CTNNA3: variants seen among roughly 807,000 people sequenced by gnomAD.
CTNNA3 encodes the protein catenin alpha-3.
A neutral mutation model predicts 95.7 loss-of-function variants in CTNNA3; 76 were observed. That is an observed-to-expected ratio of 0.79 (90% CI 0.66 to 0.96). The LOEUF is 0.96. CTNNA3 is among the 40% of genes least tolerant of loss of function. CTNNA3 has a pLI of 0.00. For missense variants in CTNNA3, 1,191 were observed against 1,089.8 expected, an observed-to-expected ratio of 1.09 and a Z score of -1.31; for synonymous variants, 431 against 374.4, an observed-to-expected ratio of 1.15 and a Z score of -1.74.
chr10:66,483,622 G>T (rs1453253535), intron 11 of CTNNA3, among the ~76,000 whole-genome samples: 2 of 152,038 alleles, frequency 1.3e-5, no homozygotes. Flanking sequence ...CCTCTATTCA[G>T]CTTTGAGAGA....
intron 5 of CTNNA3, among the ~76,000 whole-genome samples, chr10:67,384,225 C>T (rs1314520673): frequency 6.6e-6 from 1 of 152,148 alleles, no homozygotes; most frequent in Non-Finnish European, 1.5e-5. Context: ...CTATACATCA[C>T]TGTGGTGGCT....
intron 11 of CTNNA3, among the ~76,000 whole-genome samples, chr10:66,476,243 G>GA (rs1839323577): frequency 6.6e-6 from 1 of 151,914 alleles, no homozygotes; most frequent in African/African-American, 2.4e-5. Context: ...GAGAGCATCA[G>GA]AAAAAATAGC....
intron 9 of CTNNA3, among the ~76,000 whole-genome samples, chr10:66,653,389 A>G (rs56373139): frequency 0.3 from 36,500 of 120,684 alleles, 5,626 homozygotes; most frequent in East Asian, 0.64. Flanking sequence ...AAATACGCAG[A>G]AATAAATTTA....
chr10:66,505,544 A>G (rs956987557), intron 11 of CTNNA3, among the ~76,000 whole-genome samples: 2 of 152,216 alleles, frequency 1.3e-5, no homozygotes, highest in Non-Finnish European at 2.9e-5. Context: ...TCCTGGCTGC[A>G]AGTCATCACT....
At chr10:66,041,208 C>T (rs1276435881) in intron 15 of CTNNA3, among the ~76,000 whole-genome samples, 1 of 152,020 alleles carries the variant, frequency 6.6e-6, no homozygotes, top group African/African-American at 2.4e-5. Context: ...AGTTATTCTG[C>T]AATATAACTG....
intron 5 of CTNNA3, among the ~76,000 whole-genome samples, chr10:67,313,846 T>C (rs1840927972): frequency 6.6e-6 from 1 of 152,088 alleles, no homozygotes; most frequent in South Asian, 2.1e-4. Context: ...AAACAGCATA[T>C]AAAAGAAGAG....
intron 5 of CTNNA3, among the ~76,000 whole-genome samples, chr10:67,364,533 G>T (rs897032283): frequency 2.6e-5 from 4 of 151,900 alleles, no homozygotes; most frequent in African/African-American, 9.7e-5. Context: ...CAAAGTCTCA[G>T]GATACAAAAC....
chr10:67,491,298 C>T (rs1340313045), intron 5 of CTNNA3, among the ~76,000 whole-genome samples: 1 of 152,144 alleles, frequency 6.6e-6, no homozygotes, highest in African/African-American at 2.4e-5. Flanking sequence ...CATTAAAAAT[C>T]AACTTTGTCC....
intron 5 of CTNNA3, among the ~76,000 whole-genome samples, chr10:67,309,064 T>G (rs1489877042): frequency 6.6e-6 from 1 of 152,174 alleles, no homozygotes; most frequent in African/African-American, 2.4e-5. Flanking sequence ...TGAAGATAAA[T>G]AGCACCATTA....
chr10:66,832,181 T>G (rs1216283632), intron 7 of CTNNA3, among the ~76,000 whole-genome samples: 1 of 152,244 alleles, frequency 6.6e-6, no homozygotes. Flanking sequence ...TACACTCATT[T>G]TGGCAGAAAA....
intron 7 of CTNNA3, among the ~76,000 whole-genome samples, chr10:66,895,856 T>A (rs1427201621): frequency 7.6e-6 from 1 of 131,832 alleles, no homozygotes; most frequent in East Asian, 2.2e-4. Context: ...GGTGGGAGGA[T>A]AACCTGAGGT....
chr10:67,548,323 T>A (rs1840910241), intron 3 of CTNNA3, among the ~76,000 whole-genome samples: 1 of 152,170 alleles, frequency 6.6e-6, no homozygotes, highest in Non-Finnish European at 1.5e-5. Flanking sequence ...TGCAGAACCA[T>A]AAGCCAATTA....
At chr10:66,512,790 A>C (rs1449649114) in intron 11 of CTNNA3, among the ~76,000 whole-genome samples, 2 of 152,020 alleles carry the variant, frequency 1.3e-5, no homozygotes, top group Non-Finnish European at 2.9e-5. Flanking sequence ...CTTAGTTGAA[A>C]GTTTTTTCTT....
chr10:67,111,794 T>C (rs971154435), intron 7 of CTNNA3, among the ~76,000 whole-genome samples: 2 of 152,058 alleles, frequency 1.3e-5, no homozygotes, highest in African/African-American at 4.8e-5. Flanking sequence ...TATAATTTAA[T>C]ACATGCAAAG....
chr10:66,769,244 T>A (rs1053669671), intron 8 of CTNNA3, among the ~76,000 whole-genome samples: 2 of 152,198 alleles, frequency 1.3e-5, no homozygotes, highest in African/African-American at 4.8e-5. Flanking sequence ...TTTCGTCCCA[T>A]GACAGAAGGA....
intron 13 of CTNNA3, among the ~76,000 whole-genome samples, chr10:66,257,297 C>T (rs1348060538): frequency 1.3e-5 from 2 of 152,144 alleles, no homozygotes; most frequent in African/African-American, 4.8e-5. Flanking sequence ...TTTACTATGG[C>T]CCAATGTGCC....
At chr10:66,880,345 A>G (rs1019214155) in intron 7 of CTNNA3, among the ~76,000 whole-genome samples, 3 of 152,128 alleles carry the variant, frequency 2.0e-5, no homozygotes, top group African/African-American at 4.8e-5. Flanking sequence ...AAGAGCCACA[A>G]GATGGTATCA....
At chr10:66,239,168 C>T (rs1255001612) in intron 13 of CTNNA3, among the ~76,000 whole-genome samples, 1 of 151,126 alleles carries the variant, frequency 6.6e-6, no homozygotes, top group East Asian at 1.9e-4. Flanking sequence ...CAATTAATTA[C>T]AATTTTATTT....
intron 1 of CTNNA3, 103 bp downstream of exon 1, chr10:67,695,897 C>T (rs1271312503): frequency 6.6e-6 from 1 of 152,176 alleles, no homozygotes; most frequent in East Asian, 1.9e-4. Flanking sequence ...CAGAAGAAAA[C>T]CCCAAATTTT....
Sources: gnomAD v4.1 joint callset for allele counts (sites outside exome capture counted in the v4.1 genomes callset) on GRCh38, gnomAD v4.1.1 for gene constraint, MANE v1.5 for transcripts, NCBI Gene and HGNC (gene_info 2026-07-23, HGNC 2026-07-21) for gene names.